TMEM161B: variants seen among roughly 807,000 people sequenced by gnomAD.
The protein encoded by TMEM161B is transmembrane protein 161B.
A neutral mutation model predicts 61.8 loss-of-function variants in TMEM161B; 34 were observed. The observed-to-expected ratio is 0.55, with a 90% CI of 0.42 to 0.73. The LOEUF (loss-of-function observed/expected upper bound fraction) is 0.73. Among genes scored for constraint, TMEM161B ranks in the 30% least tolerant of loss-of-function variants. The probability of loss-of-function intolerance (pLI) is 0.00; values close to 1 mark genes in which losing one functional copy is unlikely to be tolerated. For synonymous variants in TMEM161B, 167 were observed against 192.8 expected (o/e 0.87, Z 1.11); for missense variants, 456 against 558.5 (o/e 0.82, Z 1.85).
chr5:88,198,844 T>C, intron 10 of TMEM161B, 132 bp downstream of exon 10: 6 of 834,922 alleles, frequency 7.2e-6, no homozygotes, highest in East Asian at 2.8e-5. Flanking sequence ...TCTGTCAACT[T>C]AAGATTGTTC....
Position 88,207,057 on chromosome 5 carries a change from T to C in TMEM161B, c.570A>G (p.Glu190=). 6.2e-7 allele frequency: 1 copy of C among 1,612,244 alleles called. No individual in the cohort carries two copies. The highest frequency in any genetic ancestry group is 8.5e-7 in the Non-Finnish European group (1 of 1,179,468). Residue 190 remains glutamate, a synonymous_variant, in exon 6 of 12, where the codon GAA becomes GAG. Coordinates refer to ENST00000296595, the MANE Select transcript of TMEM161B (RefSeq NM_153354.5). The part of the protein sequence containing the change: ...VKAMAVLIVT[E]NYLEFGLETG... ...TTTCAAGTCCAAATTCCAGATAATTTTCTGTTACAATCAACACTGCCATTG... is the reference window on the plus strand; with the variant it reads ...TTTCAAGTCCAAATTCCAGATAATTCTCTGTTACAATCAACACTGCCATTG...
rs114285845 is a variant in TMEM161B at position 88,251,625 on chromosome 5, T to C, written c.4-10709A>G. Among the ~76,000 whole-genome samples the C allele has an allele frequency of 3.2e-3, 484 of 152,226 alleles. 1 individual carries two copies. The highest frequency in any genetic ancestry group is 0.011 in the African/African-American group (439 of 41,552). ...AGAAGCAAGATGGGAGTCAACTATG[T>C]CAGATTTCTCTTGCTGTCATAATTT... On this transcript the variant is annotated intron_variant, in intron 1 of 11. Transcript: ENST00000296595.
At chr5:88,215,392 A>C (rs907975638) in intron 5 of TMEM161B, among the ~76,000 whole-genome samples, 1 of 152,184 alleles carries the variant, frequency 6.6e-6, no homozygotes, top group Non-Finnish European at 1.5e-5. Flanking sequence ...ATAGGATGTA[A>C]ACTTATTTCT....
chr5:88,197,032 T>C (rs1002042136), intron 11 of TMEM161B, among the ~76,000 whole-genome samples: 5 of 152,160 alleles, frequency 3.3e-5, no homozygotes, highest in African/African-American at 1.2e-4. Context: ...AGGGCACCTA[T>C]ACCTATCATC....
chr5:88,199,251 C>T, intron 9 of TMEM161B, 101 bp from the exon 10 acceptor site: 1 of 1,190,494 alleles, frequency 8.4e-7, no homozygotes, highest in Non-Finnish European at 1.2e-6. Context: ...GAAGTCTATA[C>T]TTCGCAACAG....
chr5:88,263,914 A>ATTTT (rs1181537802), intron 1 of TMEM161B, among the ~76,000 whole-genome samples: 5 of 152,218 alleles, frequency 3.3e-5, no homozygotes, highest in Non-Finnish European at 7.3e-5. Context: ...TCAGAAGAAA[A>ATTTT]TAAAGTCAGA....
At chr5:88,192,012 A>ATATGTATATATATATG (rs1561287415), downstream of TMEM161B, among the ~76,000 whole-genome samples, 1 of 94,022 alleles carries the variant, frequency 1.1e-5, no homozygotes, top group African/African-American at 4.8e-5. Context: ...ATATATATAT[A>ATATGTATATATATATG]TATATATATA....
At chr5:88,261,731 A>C (rs1755716345) in intron 1 of TMEM161B, among the ~76,000 whole-genome samples, 1 of 47,424 alleles carries the variant, frequency 2.1e-5, no homozygotes, top group African/African-American at 5.1e-5. Flanking sequence ...ATTCATGTGC[A>C]AAAAAAAAAA....
At position 88,220,739 on chromosome 5, in the gene TMEM161B, A is replaced by AAAAAAAAAAAAAAT; in HGVS notation, c.290-21_290-20insATTTTTTTTTTTTT. On this transcript the variant is annotated intron_variant, in intron 4 of 11. Coordinates refer to ENST00000296595, the MANE Select transcript of TMEM161B (RefSeq NM_153354.5). ...GCAATGCTGGAAAGAAAAAAAAAAA[A>AAAAAAAAAAAAAAT]AAAAAAAAAAAAGGTCAAAAAAAAC... is the stretch of plus-strand genomic sequence containing the variant. 6.6e-7 allele frequency: 1 copy of AAAAAAAAAAAAAAT among 1,516,030 alleles called. No individual in the cohort carries two copies. Among genetic ancestry groups the AAAAAAAAAAAAAAT allele is most frequent in the Non-Finnish European group, 8.8e-7 (1 of 1,139,490 alleles). 93.9% of individuals were successfully genotyped at this position (1,516,030 alleles called of 1,614,324 possible).
At chr5:88,246,111 A>G (rs567870301) in intron 1 of TMEM161B, among the ~76,000 whole-genome samples, 1 of 151,830 alleles carries the variant, frequency 6.6e-6, no homozygotes, top group Non-Finnish European at 1.5e-5. Context: ...ATGTAACCTC[A>G]CTCTATCTCT....
intron 9 of TMEM161B, chr5:88,200,256 G>A (rs1744134406): frequency 6.6e-6 from 1 of 151,978 alleles, no homozygotes; most frequent in Admixed American, 6.6e-5. Flanking sequence ...AGGGGACATG[G>A]ACATAAAATT....
rs1468655904 is a variant in TMEM161B at position 88,195,628 on chromosome 5, T to A, written c.*583A>T. 1 of 984,786 alleles carries A rather than the reference T, an allele frequency of 1.0e-6. No individual in the cohort carries two copies. The highest frequency in any genetic ancestry group is 1.2e-6 in the Non-Finnish European group (1 of 829,138). The allele number at this position is 984,786 out of a possible 1,614,324, so 61.0% of individuals were successfully genotyped here. ...TGCTATTCTCAAGCAGCAGTAGTTA[T>A]ATATTTTAACCATATTCATCTCCAT... is the stretch of plus-strand genomic sequence containing the variant. On this transcript the variant is annotated 3_prime_UTR_variant, in exon 12 of 12. Transcript: ENST00000296595.
At chr5:88,188,119 T>C (rs1466808120), downstream of TMEM161B, among the ~76,000 whole-genome samples, 1 of 152,074 alleles carries the variant, frequency 6.6e-6, no homozygotes, top group East Asian at 1.9e-4. Context: ...TACTTTTTTT[T>C]TGGAGACATG....
intron 1 of TMEM161B, among the ~76,000 whole-genome samples, chr5:88,263,036 A>C (rs371465438): frequency 6.6e-6 from 1 of 152,306 alleles, no homozygotes; most frequent in East Asian, 1.9e-4. Context: ...GTTGACAGTA[A>C]ATAAATTTAT....
chr5:88,206,958 A>C, intron 6 of TMEM161B, 71 bp downstream of exon 6: 1 of 1,360,762 alleles, frequency 7.3e-7, no homozygotes, highest in Non-Finnish European at 1.0e-6. Context: ...CATAAAACTT[A>C]AATACTGAAG....
chr5:88,243,383 C>T (rs933376137), intron 1 of TMEM161B, among the ~76,000 whole-genome samples: 4 of 151,732 alleles, frequency 2.6e-5, no homozygotes, highest in Non-Finnish European at 4.4e-5. Flanking sequence ...GGATAAAGGC[C>T]TCAAACTCCA....
At chr5:88,210,710 G>A (rs928433089) in intron 5 of TMEM161B, among the ~76,000 whole-genome samples, 1 of 152,170 alleles carries the variant, frequency 6.6e-6, no homozygotes, top group Non-Finnish European at 1.5e-5. Flanking sequence ...CTCCTCTAGA[G>A]AAACTGAAAG....
chr5:88,252,240 T>C (rs2112728710), intron 1 of TMEM161B, among the ~76,000 whole-genome samples: 1 of 152,228 alleles, frequency 6.6e-6, no homozygotes, highest in East Asian at 1.9e-4. Flanking sequence ...GCAAAACGCC[T>C]ACCTCAACCA....
At chr5:88,222,812 C>T (rs1749247341) in intron 4 of TMEM161B, among the ~76,000 whole-genome samples, 2 of 152,064 alleles carry the variant, frequency 1.3e-5, no homozygotes, top group Admixed American at 6.5e-5. Context: ...GGCTATTTAA[C>T]TCAAGTGTTA....
Sources: allele counts gnomAD v4.1 joint callset (sites outside exome capture counted in the v4.1 genomes callset), GRCh38; gene constraint gnomAD v4.1.1; transcripts MANE v1.5; gene names NCBI Gene and HGNC (gene_info 2026-07-23, HGNC 2026-07-21).